The following MACF1 variants were observed in gnomAD, a reference collection of about 807,000 sequenced individuals.
MACF1 encodes the protein microtubule actin crosslinking factor 1, also known as microtubule-actin cross-linking factor 1.
MACF1 carries 193 observed loss-of-function variants against 854.8 expected under a neutral mutation model. The ratio of observed to expected loss-of-function variants is 0.23; its 90% CI spans 0.20 to 0.25. The LOEUF (loss-of-function observed/expected upper bound fraction) is 0.25. MACF1 is among the 10% of genes least tolerant of loss of function. The pLI is 1.00. For missense variants in MACF1, 7,722 were observed against 8,929.1 expected, an observed-to-expected ratio of 0.86 and a Z score of 5.45; for synonymous variants, 3,185 against 3,226.7, an observed-to-expected ratio of 0.99 and a Z score of 0.44.
chr1:39,462,638 A>G (rs1186836370), intron 93 of MACF1, among the ~76,000 whole-genome samples: 5 of 152,078 alleles, frequency 3.3e-5, no homozygotes, highest in Non-Finnish European at 5.9e-5. Context: ...TCACTTGAGC[A>G]TGGGAGATCA....
chr1:39,357,274 A>G (rs1647676087), intron 44 of MACF1, 101 bp from the exon 45 acceptor site: 1 of 1,296,578 alleles, frequency 7.7e-7, no homozygotes, highest in African/African-American at 1.5e-5. Context: ...GCTGAATGTA[A>G]GCAGACCTCA....
chr1:39,297,774 C>T (rs776238828), intron 21 of MACF1, 29 bp downstream of exon 21: 23 of 1,612,154 alleles, frequency 1.4e-5, no homozygotes, highest in Middle Eastern at 1.6e-4. Flanking sequence ...GGGATGATTA[C>T]TTCTGAGAAA....
chr1:39,282,867 C>A (rs2484751), intron 7 of MACF1, among the ~76,000 whole-genome samples: 106,946 of 152,034 alleles, frequency 0.7, 37,977 homozygotes, highest in South Asian at 0.84. Flanking sequence ...GAGGTGAGGA[C>A]GATAGGAATT....
intron 58 of MACF1, chr1:39,412,174 A>C (rs1643040708): frequency 1.2e-6 from 2 of 1,613,870 alleles, no homozygotes; most frequent in African/African-American, 1.3e-5. Flanking sequence ...GGGAGACTGC[A>C]GTCAAACTGA....
intron 58 of MACF1, among the ~76,000 whole-genome samples, chr1:39,402,862 C>G (rs981644600): frequency 3.3e-5 from 5 of 152,036 alleles, no homozygotes; most frequent in African/African-American, 1.2e-4. Flanking sequence ...TGTGCTCTTC[C>G]GTTCTCTTCT....
Position 39,370,202 on chromosome 1 carries a change from G to C in MACF1, c.13095+16G>C. ...ACACCTGAAGGTAGGTGAACAAAGG[G>C]ACTCCAAGAATTGGGCTAGGCACTG... On this transcript the variant is annotated intron_variant, in intron 51 of 100. Transcript: ENST00000564288. 2.5e-6 allele frequency: 4 copies of C among 1,596,388 alleles called. No homozygotes were observed. Among genetic ancestry groups the C allele is most frequent in the Non-Finnish European group, 3.4e-6 (4 of 1,170,504 alleles).
chr1:39,350,785 G>C lies in MACF1; in HGVS notation c.10966G>C (p.Asp3656His). 1 of 1,611,656 alleles carries C rather than the reference G, an allele frequency of 6.2e-7. No homozygotes were observed. The change falls in exon 43 of 101, where the codon GAT becomes CAT. Residue 3656 changes from aspartate to histidine, a missense_variant and splice_region_variant. This residue lies in a region of MACF1 where 2,807 missense variants were observed against 3,235.8 expected (regional missense o/e 0.87). Coordinates refer to ENST00000564288, the MANE Select transcript of MACF1 (RefSeq NM_001394062.1). The stretch of plus-strand genomic sequence containing the variant: ...GCCATTCCTATTTTCTTGTGTTAAG[G>C]ATTTACAGGATGACATTCAGAATCG... ...ALQKNQSDLK[D>H]LQDDIQNRAT... is the part of the protein sequence containing the mutation.
chr1:39,116,386 A>ATGTGTG (rs59572260), intron 2 of MACF1, among the ~76,000 whole-genome samples: 8,914 of 150,342 alleles, frequency 0.059, 439 homozygotes, highest in African/African-American at 0.14. Context: ...GTGAGTGTGT[A>ATGTGTG]TGTGTGTGTG....
At chr1:39,342,726 C>T (rs894452777) in intron 40 of MACF1, among the ~76,000 whole-genome samples, 1 of 151,822 alleles carries the variant, frequency 6.6e-6, no homozygotes, top group Non-Finnish European at 1.5e-5. Context: ...CACCATGTTG[C>T]GTAGAGTGGT....
intron 15 of MACF1, among the ~76,000 whole-genome samples, chr1:39,291,280 G>GT (rs1645781501): frequency 6.6e-6 from 1 of 152,052 alleles, no homozygotes; most frequent in Non-Finnish European, 1.5e-5. Context: ...CCTGGCAATC[G>GT]TAACTCTTAA....
chr1:39,443,705 C>T (rs900272324), intron 79 of MACF1, 131 bp downstream of exon 79: 2 of 1,018,530 alleles, frequency 2.0e-6, no homozygotes, highest in Non-Finnish European at 2.8e-6. Flanking sequence ...TATAGTATAA[C>T]CTTTGGGGAT....
rs1218152543 is a variant in MACF1 at position 39,292,770 on chromosome 1, A to T, written c.1919A>T (p.Lys640Met). ...SVKEARLYEGKMSQNFHTSYA... is the reference protein window; with the variant it reads ...SVKEARLYEGMMSQNFHTSYA... ...ATTTCATTCTTTTTTAATCAGGGAA[A>T]GATGTCCCAGAATTTCCATACCAGC... is the stretch of plus-strand genomic sequence containing the variant. The change falls in exon 17 of 101, where the codon AAG becomes ATG. Residue 640 changes from lysine (K) to methionine (M), a missense_variant. Lys to Met is a moderately conservative substitution (Grantham distance 95, BLOSUM62 -1). Around this residue, in one of 15 missense-constraint regions of MACF1, gnomAD observed 1,137 missense variants for 1,263.0 expected, o/e 0.90. Transcript: ENST00000564288. The T allele has an allele frequency of 1.9e-6, 3 of 1,608,568 alleles. No individual in the cohort carries two copies. The highest frequency in any genetic ancestry group is 4.5e-5 in the East Asian group (2 of 44,816).
At chr1:39,142,652 C>G (rs1231095988) in intron 2 of MACF1, among the ~76,000 whole-genome samples, 3 of 152,158 alleles carry the variant, frequency 2.0e-5, no homozygotes, top group Admixed American at 6.5e-5. Flanking sequence ...TCTGATTGTT[C>G]ACCTCTTGCT....
At chr1:39,173,009 C>G (rs1310057183) in intron 2 of MACF1, among the ~76,000 whole-genome samples, 1 of 152,136 alleles carries the variant, frequency 6.6e-6, no homozygotes, top group Non-Finnish European at 1.5e-5. Flanking sequence ...TAGGACCATT[C>G]AGGGCCACAC....
chr1:39,109,180 A>T (rs1396866513), intron 2 of MACF1, among the ~76,000 whole-genome samples: 3 of 152,180 alleles, frequency 2.0e-5, no homozygotes, highest in Non-Finnish European at 2.9e-5. Context: ...CTCATCTGTT[A>T]AAATAGGGAT....
intron 1 of MACF1, among the ~76,000 whole-genome samples, chr1:39,214,915 A>G (rs1644557831): frequency 6.6e-6 from 1 of 152,188 alleles, no homozygotes; most frequent in Admixed American, 6.5e-5. Flanking sequence ...TAAACCACTT[A>G]GCTCACCAGC....
At chr1:39,444,640 T>C (rs753344648) in intron 79 of MACF1, 22 bp from the exon 80 acceptor site, 6 of 1,595,722 alleles carry the variant, frequency 3.8e-6, no homozygotes, top group South Asian at 1.1e-5. Context: ...AGAATTGATA[T>C]CTTTCCTGCC....
intron 45 of MACF1, 38 bp from the exon 46 acceptor site, chr1:39,358,659 C>T: frequency 6.2e-7 from 1 of 1,603,544 alleles, no homozygotes; most frequent in South Asian, 1.1e-5. Flanking sequence ...TTGGCCTGAC[C>T]TTGCTTAAGT....
intron 58 of MACF1, among the ~76,000 whole-genome samples, chr1:39,419,982 T>C (rs1008981515): frequency 6.6e-6 from 1 of 151,968 alleles, no homozygotes; most frequent in African/African-American, 2.4e-5. Flanking sequence ...TACTTTTCTG[T>C]GTCATTTAAA....
Sources: gnomAD v4.1 joint callset for allele counts (sites outside exome capture counted in the v4.1 genomes callset) on GRCh38, gnomAD v4.1.1 for gene constraint, gnomAD v4.1.1 regional missense constraint, MANE v1.5 for transcripts, NCBI Gene and HGNC (gene_info 2026-07-23, HGNC 2026-07-21) for gene names.